CBY1: variants seen among roughly 807,000 people sequenced by gnomAD.
CBY1 encodes protein chibby homolog 1.
CBY1 carries 10 observed loss-of-function variants against 15.6 expected under a neutral mutation model. The observed-to-expected ratio is 0.64, with a 90% CI of 0.40 to 1.09. The LOEUF is 1.09. CBY1 is among the 50% of genes least tolerant of loss of function. The pLI is 0.01. For synonymous variants in CBY1, 61 were observed against 63.5 expected, an observed-to-expected ratio of 0.96 and a Z score of 0.19; for missense variants, 150 against 160.5, an observed-to-expected ratio of 0.93 and a Z score of 0.35.
chr22:38,669,996 T>C (rs5757224), intron 2 of CBY1: 44,377 of 151,774 alleles, frequency 0.29, 6,555 homozygotes, highest in East Asian at 0.36. Flanking sequence ...TTTGGGAGGC[T>C]GAGGTGGGCG....
chr22:38,660,391 C>T (rs1005602148), intron 1 of CBY1, among the ~76,000 whole-genome samples: 1 of 151,872 alleles, frequency 6.6e-6, no homozygotes, highest in East Asian at 1.9e-4. Flanking sequence ...GACGGGGTTT[C>T]ACTGTGTTGG....
At chr22:38,671,222 T>C in intron 4 of CBY1, 34 bp downstream of exon 4, 1 of 1,491,934 alleles carries the variant, frequency 6.7e-7, no homozygotes, top group Non-Finnish European at 9.3e-7. Context: ...AGGCCTAGCT[T>C]CTCCTTTTGG....
chr22:38,656,807 C>G (rs1442458005), intron 1 of CBY1, 57 bp downstream of exon 1: 1 of 152,182 alleles, frequency 6.6e-6, no homozygotes, highest in African/African-American at 2.4e-5. Context: ...CTCGGGGGCC[C>G]GAGCTGAGTA....
chr22:38,658,607 G>C (rs1163868275), intron 1 of CBY1, among the ~76,000 whole-genome samples: 1 of 151,788 alleles, frequency 6.6e-6, no homozygotes, highest in Non-Finnish European at 1.5e-5. Context: ...ACTACGAATA[G>C]ATGGGACTAC....
intron 1 of CBY1, among the ~76,000 whole-genome samples, chr22:38,661,558 T>C (rs964566175): frequency 6.6e-6 from 1 of 152,228 alleles, no homozygotes. Context: ...AAATTACATA[T>C]ACATATACTT....
intron 2 of CBY1, among the ~76,000 whole-genome samples, chr22:38,669,384 A>G (rs1245298544): frequency 6.6e-6 from 1 of 152,162 alleles, no homozygotes; most frequent in Non-Finnish European, 1.5e-5. Flanking sequence ...AATCTAGAAT[A>G]GATTAATTAA....
Position 38,671,382 on chromosome 22 carries a change from A to C in CBY1, c.303+194A>C, listed in dbSNP as rs1415895417. On this transcript the variant is annotated intron_variant, in intron 4 of 4. Transcript: ENST00000216029. ...AGAGGCAGGTGGACCGACCGTAAGCATAATTACATAAGGACCCAGTTGGAG... is the reference window on the plus strand; with the variant it reads ...AGAGGCAGGTGGACCGACCGTAAGCCTAATTACATAAGGACCCAGTTGGAG... 3 of 582,500 alleles carry C rather than the reference A, an allele frequency of 5.2e-6. No individual in the cohort carries two copies. The East Asian group carries it at 8.7e-5, about 17-fold the overall frequency. The allele number at this position is 582,500 out of a possible 1,614,324, so 36.1% of individuals were successfully genotyped here. A position where few individuals can be genotyped will look rare whatever the true frequency, so the allele number is the denominator to read the frequency against.
chr22:38,661,332 C>G (rs2092421816), intron 1 of CBY1, among the ~76,000 whole-genome samples: 1 of 152,168 alleles, frequency 6.6e-6, no homozygotes, highest in African/African-American at 2.4e-5. Flanking sequence ...CACCACCACT[C>G]CCGGCTAATT....
chr22:38,665,284 G>C (rs559107363), intron 1 of CBY1, among the ~76,000 whole-genome samples: 25 of 152,228 alleles, frequency 1.6e-4, no homozygotes, highest in African/African-American at 6.0e-4. Flanking sequence ...GCAACATGAC[G>C]AAACTCCCAT....
At chr22:38,666,510 G>A (rs117104751) in intron 1 of CBY1, 1 of 152,098 alleles carries the variant, frequency 6.6e-6, no homozygotes, top group Non-Finnish European at 1.5e-5. Context: ...CAGGTTGGGG[G>A]GGTGTTGTTG....
chr22:38,668,755 G>C (rs1325718325), intron 2 of CBY1: 1 of 152,780 alleles, frequency 6.5e-6, no homozygotes, highest in East Asian at 1.9e-4. Context: ...CTTCACAGAA[G>C]GCGAGTGGGG....
rs184571734 is a variant in CBY1 at position 38,671,648 on chromosome 22, G to T, written c.303+460G>T. ...GAGGGGCTCACACTGCATTAGTGTT[G>T]GTTTCTTGTGGCTGTTAAAAATCCA... On this transcript the variant is annotated intron_variant, in intron 4 of 4. Coordinates refer to ENST00000216029, the MANE Select transcript of CBY1 (RefSeq NM_015373.4). 346 of 165,356 alleles carry T rather than the reference G, an allele frequency of 2.1e-3. 3 individuals are homozygous for T. The highest frequency in any genetic ancestry group is 0.016 in the South Asian group (98 of 6,018). The allele number at this position is 165,356 out of a possible 1,614,324, so 10.2% of individuals were successfully genotyped here. A position where few individuals can be genotyped will look rare whatever the true frequency, so the allele number is the denominator to read the frequency against.
At chr22:38,663,797 G>A (rs2092428779) in intron 1 of CBY1, among the ~76,000 whole-genome samples, 1 of 151,808 alleles carries the variant, frequency 6.6e-6, no homozygotes, top group South Asian at 2.1e-4. Context: ...GGAGGTGGGT[G>A]GATCACTTGA....
At chr22:38,663,610 C>A (rs1349820104) in intron 1 of CBY1, among the ~76,000 whole-genome samples, 2 of 148,708 alleles carry the variant, frequency 1.3e-5, no homozygotes, top group Non-Finnish European at 3.0e-5. Context: ...GCAGGAGAAT[C>A]ACTTGAACCC....
intron 1 of CBY1, among the ~76,000 whole-genome samples, chr22:38,659,855 C>G (rs2092416994): frequency 8.5e-6 from 1 of 117,838 alleles, no homozygotes; most frequent in Admixed American, 9.7e-5. Flanking sequence ...GAGTGAGACT[C>G]TGTCTCAAAA....
chr22:38,662,537 C>G (rs2092425064), intron 1 of CBY1, among the ~76,000 whole-genome samples: 1 of 151,870 alleles, frequency 6.6e-6, no homozygotes, highest in African/African-American at 2.4e-5. Flanking sequence ...GTCACCCAAG[C>G]TGGAGTGCAG....
Position 38,673,263 on chromosome 22 carries a change from T to C in CBY1, c.*27T>C, listed in dbSNP as rs989043992. 1.3e-6 allele frequency: 2 copies of C among 1,513,190 alleles called. No homozygotes were observed. The highest frequency in any genetic ancestry group is 1.1e-5 in the South Asian group (1 of 88,826). The allele number at this position is 1,513,190 out of a possible 1,614,324, so 93.7% of individuals were successfully genotyped here. ...GACCCCAGAGACATTTATTGGGGAG[T>C]AGGATGTGGCTGAGTGCTTTTTTTT... On this transcript the variant is annotated 3_prime_UTR_variant, in exon 5 of 5. Transcript: ENST00000216029.
chr22:38,657,783 G>C (rs1275109057), intron 1 of CBY1, among the ~76,000 whole-genome samples: 1 of 152,148 alleles, frequency 6.6e-6, no homozygotes, highest in Non-Finnish European at 1.5e-5. Context: ...GTTGTGTCCA[G>C]CCCATGTGCT....
chr22:38,657,450 T>C (rs1398972799), intron 1 of CBY1, among the ~76,000 whole-genome samples: 5 of 152,258 alleles, frequency 3.3e-5, no homozygotes, highest in Non-Finnish European at 4.4e-5. Context: ...CTTCACTTCC[T>C]GTGTGCGGAG....
Sources: allele counts gnomAD v4.1 joint callset (sites outside exome capture counted in the v4.1 genomes callset), GRCh38; gene constraint gnomAD v4.1.1; transcripts MANE v1.5; gene names NCBI Gene and HGNC (gene_info 2026-07-23, HGNC 2026-07-21).